The following RPGRIP1L variants were observed in gnomAD, a reference collection of about 807,000 sequenced individuals.
RPGRIP1L encodes the protein protein fantom.
A neutral mutation model predicts 160.4 loss-of-function variants in RPGRIP1L; 131 were observed. The ratio of observed to expected loss-of-function variants is 0.82; its 90% CI spans 0.71 to 0.94. RPGRIP1L has a LOEUF of 0.94. Among genes scored for constraint, RPGRIP1L ranks in the 40% least tolerant of loss-of-function variants. RPGRIP1L has a pLI of 0.00. For synonymous variants in RPGRIP1L, 510 were observed against 515.8 expected (o/e 0.99, Z 0.15); for missense variants, 1,522 against 1,535.8 (o/e 0.99, Z 0.15).
At chr16:53,610,911 G>C (rs911647018) in intron 25 of RPGRIP1L, 56 bp downstream of exon 25, 13 of 1,345,596 alleles carry the variant, frequency 9.7e-6, no homozygotes, top group Non-Finnish European at 1.4e-5. Flanking sequence ...ACCATGTCCT[G>C]CTACAGAGAT....
rs546098282 is a variant in RPGRIP1L at position 53,625,517 on chromosome 16, G to A, written c.3295-3161C>T. 4.8e-3 allele frequency among the ~76,000 whole-genome samples: 727 copies of A among 150,694 alleles called. 6 individuals are homozygous for A. Among genetic ancestry groups the A allele is most frequent in the African/African-American group, 0.017 (687 of 41,008 alleles). ...CGCCCAGCGGCCGCCCCGTCTAGGG[G>A]GTGAGGGGGGGGCGCCTCCGCCCGG... On this transcript the variant is annotated intron_variant, in intron 22 of 26. Coordinates refer to ENST00000647211, the MANE Select transcript of RPGRIP1L (RefSeq NM_015272.5).
At chr16:53,617,094 A>AAAAAAAAAAAAAAAAAAC (rs1964428324) in intron 24 of RPGRIP1L, among the ~76,000 whole-genome samples, 1 of 148,096 alleles carries the variant, frequency 6.8e-6, no homozygotes, top group African/African-American at 2.5e-5. Flanking sequence ...AAAAAAAAAA[A>AAAAAAAAAAAAAAAAAAC]AAAAAGCACA....
chr16:53,638,846 G>A (rs1377522807), intron 19 of RPGRIP1L, among the ~76,000 whole-genome samples: 1 of 151,786 alleles, frequency 6.6e-6, no homozygotes, highest in Non-Finnish European at 1.5e-5. Context: ...GTTGTATTAT[G>A]TTTGATTAAA....
chr16:53,623,298 GT>G (rs1964862741), intron 22 of RPGRIP1L, among the ~76,000 whole-genome samples: 1 of 152,172 alleles, frequency 6.6e-6, no homozygotes, highest in Non-Finnish European at 1.5e-5. Flanking sequence ...TTATGAGACT[GT>G]AAGCTCAGTG....
intron 15 of RPGRIP1L, among the ~76,000 whole-genome samples, chr16:53,649,843 C>T (rs183923866): frequency 1.3e-5 from 2 of 152,280 alleles, no homozygotes; most frequent in African/African-American, 2.4e-5. Flanking sequence ...TTCTCTAATA[C>T]GCCATAAGTT....
At chr16:53,684,707 G>A (rs865839583) in intron 6 of RPGRIP1L, among the ~76,000 whole-genome samples, 2 of 151,458 alleles carry the variant, frequency 1.3e-5, no homozygotes, top group African/African-American at 2.4e-5. Context: ...AAACCTGCAC[G>A]TTGTGCACAT....
intron 2 of RPGRIP1L, among the ~76,000 whole-genome samples, chr16:53,698,693 A>C (rs1378873006): frequency 7.4e-6 from 1 of 135,540 alleles, no homozygotes; most frequent in Non-Finnish European, 1.6e-5. Flanking sequence ...CCGCCCGGCC[A>C]GCCGCACCGC....
At chr16:53,640,529 A>G (rs1211991863) in intron 19 of RPGRIP1L, among the ~76,000 whole-genome samples, 1 of 152,168 alleles carries the variant, frequency 6.6e-6, no homozygotes, top group African/African-American at 2.4e-5. Flanking sequence ...TGAGAAGTAT[A>G]ACAGTAAAGT....
At position 53,648,828 on chromosome 16, in the gene RPGRIP1L, T is replaced by C. The variant is rs1420584743; in HGVS notation, c.2304+136A>G. 65 of 779,744 alleles carry C rather than the reference T, an allele frequency of 8.3e-5. No homozygotes were observed. In the Admixed American group the frequency reaches 1.5e-3, roughly 18 times the overall value. 48.3% of individuals were successfully genotyped at this position (779,744 alleles called of 1,614,324 possible). ...CTATTTTTACCACTTCCTGTGAGTA[T>C]ATGATTACTTCAAAATAAAAGTTAA... is the stretch of plus-strand genomic sequence containing the variant. On this transcript the variant is annotated intron_variant, in intron 16 of 26. Coordinates refer to ENST00000647211, the MANE Select transcript of RPGRIP1L (RefSeq NM_015272.5).
intron 2 of RPGRIP1L, among the ~76,000 whole-genome samples, chr16:53,696,684 G>C (rs1970783433): frequency 6.6e-6 from 1 of 152,026 alleles, no homozygotes. Flanking sequence ...GAGTAATTTG[G>C]TAAACATAAT....
chr16:53,700,494 T>A (rs955567364), intron 2 of RPGRIP1L, 145 bp downstream of exon 2: 268 of 719,278 alleles, frequency 3.7e-4, no homozygotes, highest in Admixed American at 1.5e-4. Flanking sequence ...ATATGTGTTC[T>A]AAACTCTCCA....
chr16:53,603,289 G>A (rs938489136), intron 26 of RPGRIP1L, among the ~76,000 whole-genome samples: 2 of 152,184 alleles, frequency 1.3e-5, no homozygotes, highest in African/African-American at 4.8e-5. Context: ...CTGGATTTTT[G>A]TAAGTCTGAT....
Position 53,600,547 on chromosome 16 carries a change from T to C in RPGRIP1L, c.*1529A>G, listed in dbSNP as rs955554534. 9 of 152,746 alleles carry C rather than the reference T, an allele frequency of 5.9e-5. No individual in the cohort carries two copies. The East Asian group carries it at 1.7e-3, about 29-fold the overall frequency. The allele number at this position is 152,746 out of a possible 1,614,324, so 9.5% of individuals were successfully genotyped here. ...TACTCTACTGGTCCCACAATGTACA[T>C]CAACAAATTAATATTGTACGGATGT... On this transcript the variant is annotated 3_prime_UTR_variant, in exon 27 of 27. Transcript: ENST00000647211.
In RPGRIP1L at chr16:53,602,099, A is replaced by G. The variant is rs1015987821; in HGVS notation, c.3925T>C (p.Tyr1309His). 11 of 1,612,370 alleles carry G rather than the reference A, an allele frequency of 6.8e-6. No homozygotes were observed. Among genetic ancestry groups the G allele is most frequent in the Non-Finnish European group, 9.3e-6 (11 of 1,178,672 alleles). ...TTTCAAGCCTCCAAGTCATCTCTGT[A>G]TTGCTTGTAGACAGACTGGAGGGCA... Reference protein sequence around the residue: ...LHALQSVYKQYRDDLEA With the variant: ...LHALQSVYKQHRDDLEA Residue 1309 changes from tyrosine to histidine, a missense_variant, in exon 27 of 27, where the codon TAC (tyrosine) becomes CAC (histidine). Coordinates refer to ENST00000647211, the MANE Select transcript of RPGRIP1L (RefSeq NM_015272.5).
At chr16:53,629,480 G>A (rs571845116) in intron 22 of RPGRIP1L, among the ~76,000 whole-genome samples, 228 of 152,270 alleles carry the variant, frequency 1.5e-3, no homozygotes, top group African/African-American at 5.4e-3. Flanking sequence ...CACACTTTGA[G>A]AAATATTGCT....
At chr16:53,702,637 T>C (rs1971531820) in intron 1 of RPGRIP1L, among the ~76,000 whole-genome samples, 1 of 152,164 alleles carries the variant, frequency 6.6e-6, no homozygotes, top group Non-Finnish European at 1.5e-5. Flanking sequence ...GACCATCCTA[T>C]GTTAGAGTAG....
At chr16:53,658,247 C>G (rs566415360) in intron 12 of RPGRIP1L, among the ~76,000 whole-genome samples, 167 bp downstream of exon 12, 1 of 152,208 alleles carries the variant, frequency 6.6e-6, no homozygotes, top group East Asian at 1.9e-4. Flanking sequence ...TTTCCTGAGT[C>G]TTAGTAGTGT....
chr16:53,655,789 A>C (rs1241138889), intron 14 of RPGRIP1L, among the ~76,000 whole-genome samples: 1 of 152,216 alleles, frequency 6.6e-6, no homozygotes, highest in Non-Finnish European at 1.5e-5. Flanking sequence ...TGATTTTCCT[A>C]CTTGCTAAAG....
intron 22 of RPGRIP1L, among the ~76,000 whole-genome samples, chr16:53,629,515 C>CA (rs796936897): frequency 2.6e-5 from 4 of 152,280 alleles, no homozygotes; most frequent in African/African-American, 7.2e-5. Flanking sequence ...ATTCATCTTC[C>CA]ATCCATGGAG....
Sources: gnomAD v4.1 joint callset for allele counts (sites outside exome capture counted in the v4.1 genomes callset) on GRCh38, gnomAD v4.1.1 for gene constraint, MANE v1.5 for transcripts, NCBI Gene and HGNC (gene_info 2026-07-23, HGNC 2026-07-21) for gene names.